PTPRG: variants seen among roughly 807,000 people sequenced by gnomAD.
PTPRG encodes protein tyrosine phosphatase receptor type G.
Under a neutral mutation model 165.3 loss-of-function variants are expected in PTPRG, and 102 were observed. The observed-to-expected ratio is 0.62, with a 90% CI of 0.53 to 0.73. The LOEUF (loss-of-function observed/expected upper bound fraction) is 0.73. Ranked by LOEUF, PTPRG falls within the 30% of genes least tolerant of loss-of-function variation. The pLI is 0.00. For missense variants in PTPRG, 1,866 were observed against 1,861.4 expected (o/e 1.00, Z -0.05); for synonymous variants, 675 against 669.5 (o/e 1.01, Z -0.13).
intron 5 of PTPRG, among the ~76,000 whole-genome samples, chr3:62,099,791 A>ATTTT (rs1379766555): frequency 8.2e-5 from 11 of 133,956 alleles, no homozygotes; most frequent in Admixed American, 1.6e-4. Context: ...TAAGTGTTAA[A>ATTTT]TCTTTTTTTT....
chr3:61,633,120 T>G (rs1387404221), intron 1 of PTPRG, among the ~76,000 whole-genome samples: 1 of 152,234 alleles, frequency 6.6e-6, no homozygotes, highest in Non-Finnish European at 1.5e-5. Context: ...CATCCTCCCA[T>G]GAGCCTGCAT....
At position 61,665,264 on chromosome 3, in the gene PTPRG, C is replaced by T. The variant is rs140596057; in HGVS notation, c.86-83614C>T. ...TACATTGCTGGCCTTCTGCAGTACT[C>T]GCCTATCAGTATTTTCACTGTCTCT... On this transcript the variant is annotated intron_variant, in intron 1 of 29. Transcript: ENST00000474889. Among the ~76,000 whole-genome samples the T allele has an allele frequency of 1.1e-3, 172 of 152,242 alleles. 1 individual carries two copies. The highest frequency in any genetic ancestry group is 4.0e-3 in the African/African-American group (165 of 41,540).
At chr3:62,168,979 T>A (rs1576089118) in intron 8 of PTPRG, among the ~76,000 whole-genome samples, 1 of 152,028 alleles carries the variant, frequency 6.6e-6, no homozygotes, top group Non-Finnish European at 1.5e-5. Context: ...CGGTGGGCAG[T>A]CTCCTCTCTG....
intron 4 of PTPRG, among the ~76,000 whole-genome samples, chr3:62,067,980 G>T (rs527684857): frequency 6.6e-6 from 1 of 152,286 alleles, no homozygotes; most frequent in East Asian, 1.9e-4. Flanking sequence ...CTAACAGGTA[G>T]TGCTCATTGC....
At chr3:62,143,421 T>C (rs1704001963) in intron 6 of PTPRG, among the ~76,000 whole-genome samples, 1 of 152,174 alleles carries the variant, frequency 6.6e-6, no homozygotes. Flanking sequence ...TTGCCTGTTT[T>C]TGTGTGTGTG....
chr3:62,053,266 G>GTTTTTTT (rs36000751), intron 4 of PTPRG, among the ~76,000 whole-genome samples: 79 of 130,946 alleles, frequency 6.0e-4, no homozygotes, highest in African/African-American at 2.1e-3. Flanking sequence ...ACTGCCTTGG[G>GTTTTTTT]TTTTTTTTTT....
At chr3:61,979,534 C>T (rs2040590958) in intron 2 of PTPRG, among the ~76,000 whole-genome samples, 1 of 139,774 alleles carries the variant, frequency 7.2e-6, no homozygotes, top group African/African-American at 2.8e-5. Flanking sequence ...GGTCAGAAGG[C>T]CTCTCTGATT....
chr3:62,163,847 A>G lies in PTPRG; in HGVS notation c.841-4124A>G, dbSNP rs139043928. ...AGACACTGAGGCACAGAAAGATTAA[A>G]TAATTTGACCAAGGTCACACATTTA... On this transcript the variant is annotated intron_variant, in intron 7 of 29. Transcript: ENST00000474889. Among the ~76,000 whole-genome samples, 957 of 152,354 alleles carry G rather than the reference A, an allele frequency of 6.3e-3. 10 individuals carry two copies. Among genetic ancestry groups the G allele is most frequent in the African/African-American group, 0.022 (919 of 41,596 alleles).
chr3:62,001,009 G>T (rs555815701), intron 3 of PTPRG, among the ~76,000 whole-genome samples: 12 of 151,662 alleles, frequency 7.9e-5, no homozygotes, highest in Admixed American at 7.2e-4. Context: ...GGTTACCACT[G>T]TTAAGTGGCA....
intron 2 of PTPRG, among the ~76,000 whole-genome samples, chr3:61,958,600 G>GT (rs2040085229): frequency 6.6e-6 from 1 of 152,074 alleles, no homozygotes; most frequent in Non-Finnish European, 1.5e-5. Flanking sequence ...ATAGTTACAG[G>GT]TTTTTTCTTT....
chr3:62,042,016 C>A (rs1700144851), intron 4 of PTPRG, among the ~76,000 whole-genome samples: 1 of 152,120 alleles, frequency 6.6e-6, no homozygotes, highest in Non-Finnish European at 1.5e-5. Context: ...TTAGTTTACC[C>A]AGGATTATAC....
chr3:61,771,573 A>T (rs937679292), intron 2 of PTPRG, among the ~76,000 whole-genome samples: 2 of 152,170 alleles, frequency 1.3e-5, no homozygotes, highest in African/African-American at 4.8e-5. Context: ...TGTGTTTTGC[A>T]GTTAAATTAC....
intron 5 of PTPRG, chr3:62,124,452 T>C: frequency 6.2e-7 from 1 of 1,613,818 alleles, no homozygotes; most frequent in Admixed American, 1.7e-5. Context: ...TTCTGGGGGA[T>C]GCTGGGCACC....
At chr3:61,737,430 A>G (rs1442109389) in intron 1 of PTPRG, among the ~76,000 whole-genome samples, 1 of 152,078 alleles carries the variant, frequency 6.6e-6, no homozygotes. Flanking sequence ...AATCTTACCA[A>G]ACTTCCTAGA....
chr3:62,054,471 T>A (rs7629963), intron 4 of PTPRG, among the ~76,000 whole-genome samples: 117,747 of 152,050 alleles, frequency 0.77, 46,040 homozygotes, highest in South Asian at 0.87. Flanking sequence ...CTAACACTGG[T>A]TGGGGCCTCC....
intron 4 of PTPRG, among the ~76,000 whole-genome samples, chr3:62,036,529 G>A (rs1481836889): frequency 1.3e-5 from 2 of 152,200 alleles, no homozygotes; most frequent in African/African-American, 4.8e-5. Context: ...GGTTTGTCAT[G>A]AAATCCACTC....
At chr3:61,585,888 T>C (rs1419619773) in intron 1 of PTPRG, among the ~76,000 whole-genome samples, 1 of 152,228 alleles carries the variant, frequency 6.6e-6, no homozygotes, top group East Asian at 1.9e-4. Flanking sequence ...AACCTTCTTT[T>C]CTCTCAAACC....
At chr3:61,814,225 T>C (rs2035687739) in intron 2 of PTPRG, among the ~76,000 whole-genome samples, 1 of 152,126 alleles carries the variant, frequency 6.6e-6, no homozygotes, top group Non-Finnish European at 1.5e-5. Context: ...ACAGTGAAGA[T>C]ATTGATGGGG....
chr3:61,809,168 G>C (rs527525026), intron 2 of PTPRG, among the ~76,000 whole-genome samples: 1 of 150,624 alleles, frequency 6.6e-6, no homozygotes, highest in African/African-American at 2.5e-5. Flanking sequence ...ATCACGGTGG[G>C]GGAGGTTAGT....
Sources: gnomAD v4.1 joint callset for allele counts (sites outside exome capture counted in the v4.1 genomes callset) on GRCh38, gnomAD v4.1.1 for gene constraint, MANE v1.5 for transcripts, NCBI Gene and HGNC (gene_info 2026-07-23, HGNC 2026-07-21) for gene names.